Variants in HS6ST3 observed in about 807,000 individuals in gnomAD.
HS6ST3 encodes heparan sulfate 6-O-sulfotransferase 3.
Under a neutral mutation model 36.7 loss-of-function variants are expected in HS6ST3, and 12 were observed. That is an observed-to-expected ratio of 0.33 (90% CI 0.21 to 0.53). The LOEUF (loss-of-function observed/expected upper bound fraction) is 0.53, where lower values mean the gene tolerates loss of function less well. Among genes scored for constraint, HS6ST3 ranks in the 20% least tolerant of loss-of-function variants. The probability of loss-of-function intolerance (pLI) is 0.95; values close to 1 mark genes in which losing one functional copy is unlikely to be tolerated. For missense variants in HS6ST3, 584 were observed against 640.9 expected, an observed-to-expected ratio of 0.91 and a Z score of 0.96; for synonymous variants, 240 against 257.5, an observed-to-expected ratio of 0.93 and a Z score of 0.65.
chr13:96,400,155 TCACACACACACACACA>T (rs55957302), intron 1 of HS6ST3, among the ~76,000 whole-genome samples: 1 of 145,372 alleles, frequency 6.9e-6, no homozygotes, highest in Admixed American at 6.9e-5. Flanking sequence ...AGTGCTGAAA[TCACACACACACACACA>T]CACACACACA....
intron 1 of HS6ST3, among the ~76,000 whole-genome samples, chr13:96,302,632 T>G (rs2054889427): frequency 6.6e-6 from 1 of 152,180 alleles, no homozygotes; most frequent in African/African-American, 2.4e-5. Flanking sequence ...ACCAACATGT[T>G]AACAGTAGCT....
At chr13:96,394,504 C>G (rs2055411317) in intron 1 of HS6ST3, among the ~76,000 whole-genome samples, 1 of 152,178 alleles carries the variant, frequency 6.6e-6, no homozygotes, top group African/African-American at 2.4e-5. Flanking sequence ...TTTGTAGTCT[C>G]AGTTTTAAGT....
chr13:96,142,545 T>G (rs1477786149), intron 1 of HS6ST3, among the ~76,000 whole-genome samples: 1 of 152,156 alleles, frequency 6.6e-6, no homozygotes, highest in Non-Finnish European at 1.5e-5. Context: ...CTAGTAGTAA[T>G]ATAATGTTCA....
chr13:96,144,665 A>ATATTATATATTATACAT (rs2054047838), intron 1 of HS6ST3, among the ~76,000 whole-genome samples: 1 of 151,244 alleles, frequency 6.6e-6, no homozygotes. Flanking sequence ...TTATACTTTA[A>ATATTATATATTATACAT]GTTTTAGGGT....
intron 1 of HS6ST3, among the ~76,000 whole-genome samples, chr13:96,193,391 G>C (rs75544395): frequency 0.041 from 6,289 of 152,188 alleles, 206 homozygotes; most frequent in African/African-American, 0.087. Context: ...CATTAAGGTA[G>C]TGTAGATAAC....
chr13:96,630,203 A>C (rs575150919), intron 1 of HS6ST3, among the ~76,000 whole-genome samples: 1 of 152,218 alleles, frequency 6.6e-6, no homozygotes, highest in Non-Finnish European at 1.5e-5. Flanking sequence ...AAGTATTTGT[A>C]GGCCATTCTG....
At chr13:96,478,367 C>A (rs939594834) in intron 1 of HS6ST3, among the ~76,000 whole-genome samples, 1 of 152,074 alleles carries the variant, frequency 6.6e-6, no homozygotes, top group Non-Finnish European at 1.5e-5. Context: ...CAGTCATCGC[C>A]GGAGTCCTAA....
intron 1 of HS6ST3, among the ~76,000 whole-genome samples, chr13:96,372,724 T>G (rs1282108497): frequency 6.6e-6 from 1 of 152,138 alleles, no homozygotes; most frequent in Non-Finnish European, 1.5e-5. Context: ...ATTTTTTGTT[T>G]TTGCATTTTA....
chr13:96,140,473 T>C (rs75353380), intron 1 of HS6ST3, among the ~76,000 whole-genome samples: 149 of 152,264 alleles, frequency 9.8e-4, no homozygotes, highest in African/African-American at 3.5e-3. Flanking sequence ...TTGTAAACCT[T>C]GACTAACACC....
intron 1 of HS6ST3, among the ~76,000 whole-genome samples, chr13:96,220,527 CTATTTGAGCTAGCT>C (rs1483107818): frequency 6.6e-6 from 1 of 152,118 alleles, no homozygotes; most frequent in African/African-American, 2.4e-5. Context: ...TTTCTCTAAA[CTATTTGAGCTAGCT>C]TATTTGAGCT....
chr13:96,104,838 G>A (rs2053833720), intron 1 of HS6ST3, among the ~76,000 whole-genome samples: 1 of 152,088 alleles, frequency 6.6e-6, no homozygotes, highest in Admixed American at 6.6e-5. Flanking sequence ...GTGGCCCGGT[G>A]TGGTGTGGCC....
At chr13:96,513,202 T>G (rs2056057809) in intron 1 of HS6ST3, among the ~76,000 whole-genome samples, 1 of 152,082 alleles carries the variant, frequency 6.6e-6, no homozygotes, top group African/African-American at 2.4e-5. Context: ...CTGTGTTATC[T>G]CTCTCCTTAT....
chr13:96,691,611 T>C (rs904532374), intron 1 of HS6ST3, among the ~76,000 whole-genome samples: 2 of 92,424 alleles, frequency 2.2e-5, no homozygotes, highest in African/African-American at 8.4e-5. Flanking sequence ...CTTTTTCTTT[T>C]CCCCTTACTT....
At chr13:96,406,717 T>G (rs749088022) in intron 1 of HS6ST3, among the ~76,000 whole-genome samples, 3 of 152,200 alleles carry the variant, frequency 2.0e-5, no homozygotes, top group African/African-American at 4.8e-5. Context: ...AAGCACAGTG[T>G]GGCTTAAATA....
At chr13:96,476,606 C>T (rs987878143) in intron 1 of HS6ST3, among the ~76,000 whole-genome samples, 1 of 152,186 alleles carries the variant, frequency 6.6e-6, no homozygotes, top group Non-Finnish European at 1.5e-5. Flanking sequence ...CGTGATTGGC[C>T]AGCCTCGGCC....
intron 1 of HS6ST3, among the ~76,000 whole-genome samples, chr13:96,398,203 G>T (rs563903550): frequency 6.6e-6 from 1 of 152,250 alleles, no homozygotes; most frequent in Non-Finnish European, 1.5e-5. Context: ...TATGTTTCTT[G>T]TCATGGCAAC....
chr13:96,668,584 A>T (rs1192764472), intron 1 of HS6ST3, among the ~76,000 whole-genome samples: 1 of 145,898 alleles, frequency 6.9e-6, no homozygotes, highest in Non-Finnish European at 1.5e-5. Context: ...GCAAAATCTT[A>T]TTGGAGACAG....
chr13:96,806,933 C>T (rs987946429), intron 1 of HS6ST3, among the ~76,000 whole-genome samples: 6 of 152,100 alleles, frequency 3.9e-5, no homozygotes, highest in Non-Finnish European at 8.8e-5. Flanking sequence ...GCCTTCCCCC[C>T]GGGAAGACAC....
In HS6ST3 at chr13:96,835,634, C is replaced by CACAA. The variant is rs1187204768; in HGVS notation, c.*2437_*2438insCAAA. 1 of 150,998 alleles carries CACAA rather than the reference C, an allele frequency of 6.6e-6. No individual in the cohort carries two copies. The highest frequency in any genetic ancestry group is 2.1e-4 in the South Asian group (1 of 4,754). 9.4% of individuals were successfully genotyped at this position (150,998 alleles called of 1,614,324 possible). Reference sequence around the variant, plus strand: ...ACACACACACACACACACACACACACAAACAATCCAGTGTTTTGTCATGTG... The same window carrying CACAA: ...ACACACACACACACACACACACACACACAAAAACAATCCAGTGTTTTGTCATGTG... On this transcript the variant is annotated 3_prime_UTR_variant, in exon 2 of 2. Coordinates refer to ENST00000376705, the MANE Select transcript of HS6ST3 (RefSeq NM_153456.4).
Sources: gnomAD v4.1 joint callset for allele counts (sites outside exome capture counted in the v4.1 genomes callset) on GRCh38, gnomAD v4.1.1 for gene constraint, MANE v1.5 for transcripts, NCBI Gene and HGNC (gene_info 2026-07-23, HGNC 2026-07-21) for gene names.